SPATA7: variants seen among roughly 807,000 people sequenced by gnomAD.
The protein encoded by SPATA7 is spermatogenesis-associated protein 7.
SPATA7 carries 43 observed loss-of-function variants against 51.8 expected under a neutral mutation model. The ratio of observed to expected loss-of-function variants is 0.83; its 90% CI spans 0.65 to 1.07. SPATA7 has a LOEUF of 1.07. SPATA7 is among the 50% of genes least tolerant of loss of function. The pLI, the probability that SPATA7 is intolerant of heterozygous loss-of-function variation, is 0.00. For missense variants in SPATA7, 683 were observed against 701.3 expected (o/e 0.97, Z 0.30); for synonymous variants, 230 against 252.8 (o/e 0.91, Z 0.86).
chr14:88,464,729 CAAAAA>C (rs1371886222), intron 4 of SPATA7, among the ~76,000 whole-genome samples: 1 of 150,390 alleles, frequency 6.6e-6, no homozygotes, highest in African/African-American at 2.5e-5. Context: ...AACTCCGTCT[CAAAAA>C]AGAAAAAAAA....
chr14:88,433,171 T>A lies in SPATA7; in HGVS notation c.1119T>A (p.Asp373Glu). 1 of 1,611,896 alleles carries A rather than the reference T, an allele frequency of 6.2e-7. No homozygotes were observed. Among genetic ancestry groups the A allele is most frequent in the East Asian group, 2.2e-5 (1 of 44,670 alleles). ...EELLYLSFIE[D>E]VTDEILKLGL... ...TGTTGTATCTGAGTTTCATTGAAGA[T>A]GTAACAGATGAAATTTTGAAACTTG... The change falls in exon 10 of 12, where the codon GAT becomes GAA. Residue 373 changes from aspartate to glutamate, a missense_variant. By Grantham distance (45) the Asp-to-Glu change is conservative. Coordinates refer to ENST00000393545, the MANE Select transcript of SPATA7 (RefSeq NM_018418.5).
chr14:88,386,173 C>G, intron 1 of SPATA7: 1 of 600,548 alleles, frequency 1.7e-6, no homozygotes, highest in Non-Finnish European at 2.7e-6. Flanking sequence ...CTCCCCGGGC[C>G]CCAAATCAAA....
At chr14:88,402,971 A>AAC (rs2076106742) in intron 4 of SPATA7, among the ~76,000 whole-genome samples, 1 of 140,602 alleles carries the variant, frequency 7.1e-6, no homozygotes. Context: ...AAAAAAAAAA[A>AAC]AAAAAAAAAA....
At chr14:88,468,820 G>T (rs1050046395) in intron 4 of SPATA7, 3 of 1,509,500 alleles carry the variant, frequency 2.0e-6, no homozygotes, top group African/African-American at 2.7e-5. Flanking sequence ...ACAGTCCAAG[G>T]AAATGTGCGC....
chr14:88,386,771 G>T (rs1442127839), intron 1 of SPATA7, among the ~76,000 whole-genome samples: 8 of 151,832 alleles, frequency 5.3e-5, no homozygotes, highest in Non-Finnish European at 7.4e-5. Flanking sequence ...TTAAAAGACT[G>T]CCTTTAAACC....
chr14:88,412,599 T>C (rs73321889), intron 4 of SPATA7, among the ~76,000 whole-genome samples: 5,361 of 152,228 alleles, frequency 0.035, 311 homozygotes, highest in African/African-American at 0.12. Context: ...ATGTTAATCT[T>C]CTTTGTCAGC....
chr14:88,454,837 A>T lies in SPATA7; in HGVS notation c.178-223A>T, dbSNP rs193167307. On this transcript the variant is annotated intron_variant, in intron 3 of 3. Transcript: ENST00000554802. The stretch of plus-strand genomic sequence containing the variant: ...AGAAAAAAAAAGAAAGCCTAGATAG[A>T]CTTTAGTTTGTATTAATTATAGCTT... Among the ~76,000 whole-genome samples, 166 of 152,248 alleles carry T rather than the reference A, an allele frequency of 1.1e-3. 3 individuals are homozygous for T. The East Asian group carries it at 0.023, about 21-fold the overall frequency.
intron 3 of SPATA7, among the ~76,000 whole-genome samples, chr14:88,446,269 A>C (rs1160750663): frequency 6.6e-6 from 1 of 152,022 alleles, no homozygotes; most frequent in Non-Finnish European, 1.5e-5. Context: ...GTTTATTTGC[A>C]TAGAGGTGTT....
chr14:88,429,830 T>C (rs889769973), intron 8 of SPATA7, among the ~76,000 whole-genome samples: 2 of 152,062 alleles, frequency 1.3e-5, no homozygotes, highest in African/African-American at 4.8e-5. Context: ...GAGTCATAAT[T>C]TGTGATTTTG....
chr14:88,440,863 G>T (rs1056390214), downstream of SPATA7, among the ~76,000 whole-genome samples: 3 of 152,048 alleles, frequency 2.0e-5, no homozygotes, highest in Non-Finnish European at 2.9e-5. Context: ...TTGGGAACAG[G>T]TGATGTTTGG....
intron 6 of SPATA7, 57 bp downstream of exon 6, chr14:88,426,761 G>A: frequency 7.0e-7 from 1 of 1,436,124 alleles, no homozygotes; most frequent in East Asian, 2.4e-5. Context: ...GAAAATTAAT[G>A]AATTAATATT....
chr14:88,444,734 A>T (rs1250979103), intron 3 of SPATA7, among the ~76,000 whole-genome samples: 8 of 152,128 alleles, frequency 5.3e-5, no homozygotes, highest in Admixed American at 5.2e-4. Context: ...CCATTTATTA[A>T]ATAGGGAATC....
At chr14:88,389,412 C>T (rs2075678178) in intron 1 of SPATA7, among the ~76,000 whole-genome samples, 1 of 152,012 alleles carries the variant, frequency 6.6e-6, no homozygotes, top group African/African-American at 2.4e-5. Flanking sequence ...CCATGTTGTC[C>T]AGGCTGGTCT....
At chr14:88,406,641 G>A (rs1747000493) in intron 4 of SPATA7, 1 of 151,870 alleles carries the variant, frequency 6.6e-6, no homozygotes, top group South Asian at 2.1e-4. Context: ...TATACGTTAA[G>A]TTCTGGGATA....
At chr14:88,402,341 C>T (rs995994723) in intron 4 of SPATA7, among the ~76,000 whole-genome samples, 1 of 93,218 alleles carries the variant, frequency 1.1e-5, no homozygotes, top group African/African-American at 3.3e-5. Flanking sequence ...ATAAAACAAT[C>T]TTGAGCAAGA....
intron 9 of SPATA7, 109 bp from the exon 10 acceptor site, chr14:88,433,026 C>G (rs1040944056): frequency 1.1e-5 from 9 of 786,732 alleles, no homozygotes; most frequent in Non-Finnish European, 1.9e-5. Flanking sequence ...GATAGAAGTA[C>G]ATTGGTAATG....
Position 88,385,711 on chromosome 14 carries a change from C to T in SPATA7, c.-108C>T. The T allele has an allele frequency of 9.2e-7, 1 of 1,083,992 alleles. No homozygotes were observed. Among genetic ancestry groups the T allele is most frequent in the Non-Finnish European group, 1.4e-6 (1 of 721,840 alleles). 67.1% of individuals were successfully genotyped at this position (1,083,992 alleles called of 1,614,324 possible). On this transcript the variant is annotated 5_prime_UTR_variant, in exon 1 of 12. Coordinates refer to ENST00000393545, the MANE Select transcript of SPATA7 (RefSeq NM_018418.5). The stretch of plus-strand genomic sequence containing the variant: ...CAACGGTTTCCCTGCTGCTGCAGCC[C>T]CCGTCGGCTCCTCTTTTCCAGTCCT...
At chr14:88,385,912 C>T in intron 1 of SPATA7, 75 bp downstream of exon 1, 1 of 1,523,548 alleles carries the variant, frequency 6.6e-7, no homozygotes, top group Non-Finnish European at 8.8e-7. Context: ...CGGGTCCGGG[C>T]AGCTGAGTGC....
At chr14:88,414,200 G>T (rs891024681) in intron 4 of SPATA7, among the ~76,000 whole-genome samples, 1 of 151,950 alleles carries the variant, frequency 6.6e-6, no homozygotes, top group Admixed American at 6.6e-5. Flanking sequence ...GGCTTTTTAT[G>T]GTTGGTAGGT....
Sources: gnomAD v4.1 joint callset for allele counts (sites outside exome capture counted in the v4.1 genomes callset) on GRCh38, gnomAD v4.1.1 for gene constraint, MANE v1.5 for transcripts, NCBI Gene and HGNC (gene_info 2026-07-23, HGNC 2026-07-21) for gene names.